Variants in GGT6 observed in about 807,000 individuals in gnomAD.
GGT6 encodes the protein gamma-glutamyltransferase 6, also known as glutathione hydrolase 6.
In GGT6, 13 loss-of-function variants were observed where a neutral mutation model predicts 17.0. The ratio of observed to expected loss-of-function variants is 0.77; its 90% confidence interval spans 0.50 to 1.22. GGT6 has a LOEUF of 1.22. Ranked by LOEUF, GGT6 falls within the 50% of genes most tolerant of loss-of-function variation. GGT6 has a pLI of 0.00. For synonymous variants in GGT6, 305 were observed against 297.9 expected, an observed-to-expected ratio of 1.02 and a Z score of -0.25; for missense variants, 628 against 643.7, an observed-to-expected ratio of 0.98 and a Z score of 0.26.
In GGT6 at chr17:4,560,430, G is replaced by A; in HGVS notation, c.92C>T (p.Thr31Ile). The change falls in exon 1 of 4, where the codon ACA becomes ATA. Residue 31 changes from threonine (T) to isoleucine (I), a missense_variant. Coordinates refer to ENST00000381550, the MANE Select transcript of GGT6 (RefSeq NM_001288702.2). ...GGGGTTTAGAACCAGCGCCTCTGAT[G>A]TCTCCTCCTCCTCCACTTCCTCCTC... ...ESEEEVEEEE[T>I]SEALVLNPRR... 1 of 1,614,094 alleles carries A rather than the reference G, an allele frequency of 6.2e-7. No homozygotes were observed. The highest frequency in any genetic ancestry group is 8.5e-7 in the Non-Finnish European group (1 of 1,180,010).
Position 4,558,122 on chromosome 17 carries a change from G to A in GGT6, c.1393C>T (p.His465Tyr). The change falls in exon 4 of 4, where the codon CAT (histidine) becomes TAT (tyrosine). Residue 465 changes from histidine to tyrosine, a missense_variant. By Grantham distance (83) the His-to-Tyr change is moderately conservative. Transcript: ENST00000381550. ...GTCCCTTGGCCACAAGTGCTGGGAT[G>A]CTCTGTTGGTTCTTGCTGACCCTGA... ...QHQGQQEPTE[H>Y]PSTCGQGTLL... 6.2e-7 allele frequency: 1 copy of A among 1,613,100 alleles called. No homozygotes were observed. Among genetic ancestry groups the A allele is most frequent in the African/African-American group, 1.3e-5 (1 of 75,058 alleles).
At position 4,557,831 on chromosome 17, in the gene GGT6, G is replaced by T; in HGVS notation, c.*184C>A. ...AGTACAGATGAGATCTTGCTTTGTT[G>T]TCTAGGCTAGTTTCAAACTCCTGGC... On this transcript the variant is annotated 3_prime_UTR_variant, in exon 4 of 4. Coordinates refer to ENST00000381550, the MANE Select transcript of GGT6 (RefSeq NM_001288702.2). 3.7e-6 allele frequency: 2 copies of T among 533,452 alleles called. No individual in the cohort carries two copies. The highest frequency in any genetic ancestry group is 3.1e-5 in the South Asian group (1 of 32,628). 33.0% of individuals were successfully genotyped at this position (533,452 alleles called of 1,614,324 possible).
At chr17:4,559,887 AG>A (rs2144548661) in intron 1 of GGT6, 127 bp from the exon 2 acceptor site, 1 of 827,224 alleles carries the variant, frequency 1.2e-6, no homozygotes, top group East Asian at 2.7e-5. Context: ...CCAAGGAGAA[AG>A]GGCTTCTTGG....
rs1490459840 is a variant in GGT6 at position 4,560,367 on chromosome 17, C to T, written c.140+15G>A. The stretch of plus-strand genomic sequence containing the variant: ...AGCCTGGGGAGCCTGGTGCCCAGAC[C>T]CCTCCCTTACTTACCTGGAAGAGTC... On this transcript the variant is annotated intron_variant, in intron 1 of 3. Transcript: ENST00000381550. The T allele has an allele frequency of 1.2e-6, 2 of 1,613,862 alleles. No homozygotes were observed. The highest frequency in any genetic ancestry group is 1.7e-6 in the Non-Finnish European group (2 of 1,179,962).
chr17:4,559,499 A>G lies in GGT6; in HGVS notation c.344-43T>C, dbSNP rs1908472254. 4.4e-6 allele frequency: 7 copies of G among 1,579,968 alleles called. No individual in the cohort carries two copies. In the East Asian group the frequency reaches 1.4e-4, roughly 31 times the overall value. On this transcript the variant is annotated intron_variant, in intron 2 of 3. Transcript: ENST00000381550. ...CTGTCATGCAGCAAGGAGGGGGGCT[A>G]GGCTGGGCTGGTGACCCCTGACCCT...
rs748194813 is a variant in GGT6 at position 4,560,407 on chromosome 17, G to T, written c.115C>A (p.Pro39Thr). ...CTGGAAGAGTCCTGGTGCCTCCGGG[G>T]GTTTAGAACCAGCGCCTCTGATGTC... ...EETSEALVLN[P>T]RRHQDSSRNK... The change falls in exon 1 of 4, where the codon CCC (proline) becomes ACC (threonine). Residue 39 changes from proline (P) to threonine (T), a missense_variant. Physicochemically the swap from Pro to Thr is conservative, Grantham distance 38. Transcript: ENST00000381550. 3.1e-6 allele frequency: 5 copies of T among 1,614,094 alleles called. No individual in the cohort carries two copies. The highest frequency in any genetic ancestry group is 1.1e-5 in the South Asian group (1 of 91,086).
In GGT6 at chr17:4,559,405, A is replaced by G. The variant is rs1908460829; in HGVS notation, c.395T>C (p.Val132Ala). The G allele has an allele frequency of 1.3e-6, 2 of 1,551,642 alleles. No homozygotes were observed. The highest frequency in any genetic ancestry group is 2.7e-5 in the African/African-American group (2 of 73,028). ...RELLVAGGNV[V>A]DAGVGAALCL... Reference sequence around the variant, plus strand: ...CAATGCAGCTCCAACTCCAGCATCCACGACGTTGCCCCCGGCAACAAGCAG... The same window carrying G: ...CAATGCAGCTCCAACTCCAGCATCCGCGACGTTGCCCCCGGCAACAAGCAG... The change falls in exon 3 of 4, where the codon GTG (valine) becomes GCG (alanine). Residue 132 changes from valine to alanine, a missense_variant. Physicochemically the swap from Val to Ala is moderately conservative, Grantham distance 64. Coordinates refer to ENST00000381550, the MANE Select transcript of GGT6 (RefSeq NM_001288702.2).
At chr17:4,559,832 A>T in intron 1 of GGT6, 72 bp from the exon 2 acceptor site, 2 of 1,401,966 alleles carry the variant, frequency 1.4e-6, no homozygotes, top group Middle Eastern at 2.4e-4. Flanking sequence ...GACCCCAGGG[A>T]ATATTTCCCA....
At chr17:4,556,649 C>T (rs1908156079), downstream of GGT6, among the ~76,000 whole-genome samples, 1 of 152,250 alleles carries the variant, frequency 6.6e-6, no homozygotes, top group Non-Finnish European at 1.5e-5. Context: ...ACACGCTCAA[C>T]TCCAACCCCT....
At chr17:4,556,312 C>CA (rs990206588), downstream of GGT6, among the ~76,000 whole-genome samples, 1 of 151,758 alleles carries the variant, frequency 6.6e-6, no homozygotes, top group African/African-American at 2.4e-5. Flanking sequence ...GAGAACAGGT[C>CA]AGATTTGGGC....
In GGT6 at chr17:4,560,483, C is replaced by G; in HGVS notation, c.39G>C (p.Leu13=). The G allele has an allele frequency of 6.2e-7, 1 of 1,613,440 alleles. No homozygotes were observed. The highest frequency in any genetic ancestry group is 8.5e-7 in the Non-Finnish European group (1 of 1,180,026). Residue 13 remains leucine, a synonymous_variant, in exon 1 of 4, where the codon CTG becomes CTC. Transcript: ENST00000381550. ...RAEEPVVYQK[L]LPWEPSLESE... ...ACTCCAAGCTTGGCTCCCAGGGCAGCAGCTTCTGATAGACCACGGGCTCTT... is the reference window on the plus strand; with the variant it reads ...ACTCCAAGCTTGGCTCCCAGGGCAGGAGCTTCTGATAGACCACGGGCTCTT...
At position 4,559,575 on chromosome 17, in the gene GGT6, G is replaced by A. The variant is rs142643623; in HGVS notation, c.326C>T (p.Ala109Val). ...TGACTGACCTGCAGGGCTGATGATG[G>A]CACCGTGGTGGTATACGCCAGGGCC... ...SHGPGVYHHGAIISPAATCSH... is the reference protein window; with the variant it reads ...SHGPGVYHHGVIISPAATCSH... The change falls in exon 2 of 4, where the codon GCC becomes GTC. Residue 109 changes from alanine to valine, a missense_variant. Physicochemically the swap from Ala to Val is moderately conservative, Grantham distance 64. Coordinates refer to ENST00000381550, the MANE Select transcript of GGT6 (RefSeq NM_001288702.2). The A allele has an allele frequency of 5.0e-6, 8 of 1,613,624 alleles. No homozygotes were observed. In the African/African-American group the frequency reaches 1.1e-4, roughly 22 times the overall value.
rs775229947 is a variant in GGT6, at chr17:4,558,620, G to T, written c.895C>A (p.Pro299Thr). ...GVEVPSAVPR[P>T]TLEPAEQLPV... Reference sequence around the variant, plus strand: ...AGCTGCTCTGCTGGTTCCAAAGTGGGCCTGGGCACAGCCGAGGGCACCTCC... The same window carrying T: ...AGCTGCTCTGCTGGTTCCAAAGTGGTCCTGGGCACAGCCGAGGGCACCTCC... Residue 299 changes from proline to threonine, a missense_variant, in exon 4 of 4, where the codon CCC becomes ACC. Coordinates refer to ENST00000381550, the MANE Select transcript of GGT6 (RefSeq NM_001288702.2). The T allele has an allele frequency of 1.2e-5, 19 of 1,568,362 alleles. No individual in the cohort carries two copies. The highest frequency in any genetic ancestry group is 1.5e-5 in the Non-Finnish European group (17 of 1,157,718).
rs374048557 is a variant in GGT6, at chr17:4,558,764, C to T, written c.751G>A (p.Ala251Thr). Residue 251 changes from alanine to threonine, a missense_variant, in exon 4 of 4, where the codon GCT (alanine) becomes ACT (threonine). Transcript: ENST00000381550. Reference sequence around the variant, plus strand: ...TGTGGGTTGGTGGCTCGGGCCCCAGCGCCCAGGGGTGTCCCATCAGCATGG... The same window carrying T: ...TGTGGGTTGGTGGCTCGGGCCCCAGTGCCCAGGGGTGTCCCATCAGCATGG... The part of the protein sequence containing the change: ...LCHADGTPLG[A>T]GARATNPQLA... 31 of 1,575,786 alleles carry T rather than the reference C, an allele frequency of 2.0e-5. No individual in the cohort carries two copies. Among genetic ancestry groups the T allele is most frequent in the Admixed American group, 1.1e-4 (6 of 52,802 alleles).
In GGT6 at chr17:4,558,880, G is replaced by A. The variant is rs1382900528; in HGVS notation, c.635C>T (p.Thr212Ile). The change falls in exon 4 of 4, where the codon ACC (threonine) becomes ATC (isoleucine). Residue 212 changes from threonine to isoleucine, a missense_variant. By Grantham distance (89) the Thr-to-Ile change is moderately conservative. Transcript: ENST00000381550. Reference protein sequence around the residue: ...LPWPRLLVGPTTLAQEGFLVD... With the variant: ...LPWPRLLVGPITLAQEGFLVD... ...CAGGAAGCCCTCCTGAGCCAGCGTG[G>A]TGGGGCCCACTAGCAGGCGTGGCCA... 7 of 1,547,678 alleles carry A rather than the reference G, an allele frequency of 4.5e-6. No homozygotes were observed. In the Admixed American group the frequency reaches 1.4e-4, roughly 31 times the overall value.
At chr17:4,560,294 C>A in intron 1 of GGT6, 88 bp downstream of exon 1, 1 of 1,479,510 alleles carries the variant, frequency 6.8e-7, no homozygotes, top group South Asian at 1.2e-5. Flanking sequence ...AGCGGGGAGT[C>A]GCCTGGTCCC....
At position 4,557,757 on chromosome 17, in the gene GGT6, C is replaced by G. The variant is rs1206883944; in HGVS notation, c.*258G>C. 1 of 385,540 alleles carries G rather than the reference C, an allele frequency of 2.6e-6. No individual in the cohort carries two copies. The highest frequency in any genetic ancestry group is 4.7e-6 in the Non-Finnish European group (1 of 214,332). 23.9% of individuals were successfully genotyped at this position (385,540 alleles called of 1,614,324 possible). ...CTTCCTGCCTCAGCCTCCCAAGCAG[C>G]TGGGACAACAGGCATGTGCCACCGC... is the stretch of plus-strand genomic sequence containing the variant. On this transcript the variant is annotated 3_prime_UTR_variant, in exon 4 of 4. Transcript: ENST00000381550.
In GGT6 at chr17:4,559,460, C is replaced by T. The variant is rs1908467846; in HGVS notation, c.344-4G>A. ...CGGCCTAGGTGGGAGCATGTGGCTG[C>T]AGCAAGGAAGGCACTGTCATGCAGC... On this transcript the variant is annotated splice_polypyrimidine_tract_variant and splice_region_variant and intron_variant, in intron 2 of 3. Transcript: ENST00000381550. 1 of 1,555,966 alleles carries T rather than the reference C, an allele frequency of 6.4e-7. No individual in the cohort carries two copies. The highest frequency in any genetic ancestry group is 1.2e-5 in the South Asian group (1 of 84,764).
chr17:4,559,282 G>T, intron 3 of GGT6, 61 bp downstream of exon 3: 1 of 1,377,166 alleles, frequency 7.3e-7, no homozygotes, highest in Non-Finnish European at 1.0e-6. Context: ...GACTCCCTAA[G>T]TTCCAGGTCA....
Sources: allele counts gnomAD v4.1 joint callset (sites outside exome capture counted in the v4.1 genomes callset), GRCh38; gene constraint gnomAD v4.1.1; transcripts MANE v1.5; gene names NCBI Gene and HGNC (gene_info 2026-07-23, HGNC 2026-07-21).